The following SYNPR variants were observed in gnomAD, a reference collection of about 807,000 sequenced individuals.
The protein encoded by SYNPR is synaptoporin.
A neutral mutation model predicts 32.9 loss-of-function variants in SYNPR; 23 were observed. The ratio of observed to expected loss-of-function variants is 0.70; its 90% CI spans 0.50 to 0.99. The LOEUF (loss-of-function observed/expected upper bound fraction) is 0.99, where lower values mean the gene tolerates loss of function less well. Ranked by LOEUF, SYNPR falls within the 50% of genes least tolerant of loss-of-function variation. The probability of loss-of-function intolerance (pLI) is 0.00; values close to 1 mark genes in which losing one functional copy is unlikely to be tolerated. For synonymous variants in SYNPR, 146 were observed against 135.9 expected, an observed-to-expected ratio of 1.07 and a Z score of -0.52; for missense variants, 318 against 349.3, an observed-to-expected ratio of 0.91 and a Z score of 0.71.
At chr3:63,502,223 T>C (rs1701494575) in intron 3 of SYNPR, among the ~76,000 whole-genome samples, 1 of 152,116 alleles carries the variant, frequency 6.6e-6, no homozygotes, top group Non-Finnish European at 1.5e-5. Context: ...GATCTAGGAC[T>C]TTTTTAGACT....
chr3:63,249,412 G>T (rs752137811), intron 1 of SYNPR, among the ~76,000 whole-genome samples: 3 of 152,074 alleles, frequency 2.0e-5, no homozygotes, highest in Non-Finnish European at 2.9e-5. Context: ...TTTGTCCCAG[G>T]AATTCCAATG....
At chr3:63,578,406 G>A (rs181432048) in intron 4 of SYNPR, among the ~76,000 whole-genome samples, 1 of 152,106 alleles carries the variant, frequency 6.6e-6, no homozygotes, top group African/African-American at 2.4e-5. Flanking sequence ...AGTGAGTTAG[G>A]TTTAGACAAG....
rs560556079 is a variant in SYNPR at position 63,498,697 on chromosome 3, A to T, written c.209+17741A>T. On this transcript the variant is annotated intron_variant, in intron 3 of 5. Transcript: ENST00000478300. ...GAAGGAAGACTAGTGTGGCGAGACCACAGTGCGTAAGTGCAGAGTGTGATG... is the reference window on the plus strand; with the variant it reads ...GAAGGAAGACTAGTGTGGCGAGACCTCAGTGCGTAAGTGCAGAGTGTGATG... Among the ~76,000 whole-genome samples, 8 of 152,202 alleles carry T rather than the reference A, an allele frequency of 5.3e-5. No homozygotes were observed. In the South Asian group the frequency reaches 1.7e-3, roughly 32 times the overall value.
intron 4 of SYNPR, among the ~76,000 whole-genome samples, chr3:63,606,904 T>C (rs1333973003): frequency 1.3e-5 from 2 of 152,166 alleles, no homozygotes; most frequent in African/African-American, 4.8e-5. Context: ...TATTTCATGG[T>C]GCAGTTGTCA....
intron 2 of SYNPR, among the ~76,000 whole-genome samples, chr3:63,389,717 C>T (rs184145144): frequency 3.3e-5 from 5 of 152,286 alleles, no homozygotes; most frequent in Admixed American, 6.5e-5. Context: ...AATGGATAAA[C>T]GAATGTCAAG....
chr3:63,264,221 A>C (rs2086462160), intron 2 of SYNPR, among the ~76,000 whole-genome samples: 1 of 152,186 alleles, frequency 6.6e-6, no homozygotes, highest in Non-Finnish European at 1.5e-5. Context: ...GGTTCCATAC[A>C]TTGAGAAAAA....
chr3:63,502,249 A>G (rs1489001431), intron 3 of SYNPR, among the ~76,000 whole-genome samples: 1 of 152,026 alleles, frequency 6.6e-6, no homozygotes, highest in Non-Finnish European at 1.5e-5. Flanking sequence ...TTTTAGAGGA[A>G]TTTTAGGCTC....
At chr3:63,267,308 TC>T (rs2086498426) in intron 2 of SYNPR, 1 of 152,182 alleles carries the variant, frequency 6.6e-6, no homozygotes, top group Non-Finnish European at 1.5e-5. Flanking sequence ...CCATCTTGGG[TC>T]CTCTTAGGTT....
At chr3:63,264,960 C>G (rs529514281) in intron 2 of SYNPR, among the ~76,000 whole-genome samples, 3 of 151,940 alleles carry the variant, frequency 2.0e-5, no homozygotes, top group Admixed American at 2.0e-4. Flanking sequence ...TCCACCTGGT[C>G]CCGCCCTTGA....
chr3:63,408,285 A>AAG (rs2088407392), intron 2 of SYNPR, among the ~76,000 whole-genome samples: 1 of 56,888 alleles, frequency 1.8e-5, no homozygotes, highest in South Asian at 6.0e-4. Flanking sequence ...AAGAGGAAGG[A>AAG]AGGAAGGAAG....
chr3:63,211,530 T>C, the SYNPR span, among the ~76,000 whole-genome samples: 1 of 152,202 alleles, frequency 6.6e-6, no homozygotes, highest in African/African-American at 2.4e-5. Flanking sequence ...TATTTTGTTA[T>C]AAAGTTGTTC....
chr3:63,557,005 C>A (rs1321036444), intron 4 of SYNPR, among the ~76,000 whole-genome samples: 1 of 152,158 alleles, frequency 6.6e-6, no homozygotes, highest in African/African-American at 2.4e-5. Context: ...AAGGAAAGAG[C>A]AGTGAAGCTT....
chr3:63,256,296 T>G (rs996945159), intron 2 of SYNPR, among the ~76,000 whole-genome samples: 14 of 152,014 alleles, frequency 9.2e-5, no homozygotes, highest in African/African-American at 3.4e-4. Context: ...GACCCCCGAG[T>G]AGCCTAACTG....
In SYNPR at chr3:63,464,589, A is replaced by G. The variant is rs1575658191; in HGVS notation, c.85-16243A>G. Among the ~76,000 whole-genome samples, 7 of 152,178 alleles carry G rather than the reference A, an allele frequency of 4.6e-5. No homozygotes were observed. The South Asian group carries it at 1.5e-3, about 32-fold the overall frequency. On this transcript the variant is annotated intron_variant, in intron 2 of 5. Coordinates refer to ENST00000478300, the MANE Select transcript of SYNPR (RefSeq NM_001130003.2). The stretch of plus-strand genomic sequence containing the variant: ...GCGTAACTTCTCGGAGCCCCATCCA[A>G]TGCCTCCTTCTTATCTCTTAGAGAA...
chr3:63,377,315 G>C (rs565458920), intron 2 of SYNPR, among the ~76,000 whole-genome samples: 6 of 152,182 alleles, frequency 3.9e-5, no homozygotes, highest in African/African-American at 1.4e-4. Flanking sequence ...CCAGGCTCTT[G>C]AGGCTTAAAT....
intron 2 of SYNPR, among the ~76,000 whole-genome samples, chr3:63,349,737 A>G: frequency 6.6e-6 from 1 of 152,016 alleles, no homozygotes; most frequent in South Asian, 2.1e-4. Context: ...TGGAGAATCC[A>G]AGTTCCTTCT....
chr3:63,593,893 C>T (rs1699883759), intron 4 of SYNPR, among the ~76,000 whole-genome samples: 1 of 152,030 alleles, frequency 6.6e-6, no homozygotes, highest in Admixed American at 6.6e-5. Flanking sequence ...GCTGGTCTCC[C>T]CCACTCTCTT....
chr3:63,550,233 TATAA>T lies in SYNPR; in HGVS notation c.210-6302_210-6299del, dbSNP rs909448536. 1.6e-4 allele frequency among the ~76,000 whole-genome samples: 24 copies of T among 150,986 alleles called. No individual in the cohort carries two copies. In the East Asian group the frequency reaches 2.9e-3, roughly 18 times the overall value. On this transcript the variant is annotated intron_variant, in intron 3 of 5. Coordinates refer to ENST00000478300, the MANE Select transcript of SYNPR (RefSeq NM_001130003.2). ...TGCTTAAAAGAACTTATATATAATATATAAATAAATATGTATGTATTTATACACA... is the reference window on the plus strand; with the variant it reads ...TGCTTAAAAGAACTTATATATAATATATAAATATGTATGTATTTATACACA...
At chr3:63,309,685 C>G (rs2086943047) in intron 2 of SYNPR, among the ~76,000 whole-genome samples, 1 of 151,874 alleles carries the variant, frequency 6.6e-6, no homozygotes, top group Non-Finnish European at 1.5e-5. Flanking sequence ...CAGATATTCC[C>G]CCATCTAATC....
Sources: allele counts gnomAD v4.1 joint callset (sites outside exome capture counted in the v4.1 genomes callset), GRCh38; gene constraint gnomAD v4.1.1; transcripts MANE v1.5; gene names NCBI Gene and HGNC (gene_info 2026-07-23, HGNC 2026-07-21).